DNAAF11: variants seen among roughly 807,000 people sequenced by gnomAD.
DNAAF11 encodes leucine rich repeat containing 6.
Under a neutral mutation model 60.8 loss-of-function variants are expected in DNAAF11, and 45 were observed. The ratio of observed to expected loss-of-function variants is 0.74; its 90% CI spans 0.58 to 0.95. DNAAF11 has a LOEUF of 0.95. DNAAF11 is among the 40% of genes least tolerant of loss of function. DNAAF11 has a pLI of 0.00. For missense variants in DNAAF11, 546 were observed against 546.2 expected (o/e 1.00, Z 0.00); for synonymous variants, 191 against 183.5 (o/e 1.04, Z -0.33).
At chr8:132,681,200 G>C in the DNAAF11 span, among the ~76,000 whole-genome samples, 1 of 151,004 alleles carries the variant, frequency 6.6e-6, no homozygotes, top group African/African-American at 2.4e-5. Flanking sequence ...AGTAGATATG[G>C]GGTTTCTCCA....
the DNAAF11 span, chr8:132,687,689 G>A: frequency 2.2e-6 from 1 of 456,216 alleles, no homozygotes; most frequent in South Asian, 1.5e-5. Flanking sequence ...AAGTTTAAGG[G>A]ATAAGTGACT....
chr8:132,573,546 G>A (rs1454568191), intron 11 of DNAAF11, among the ~76,000 whole-genome samples: 1 of 152,102 alleles, frequency 6.6e-6, no homozygotes, highest in Non-Finnish European at 1.5e-5. Flanking sequence ...TGGCTGTATT[G>A]AATAAATATT....
Position 132,632,824 on chromosome 8 carries a change from T to C in DNAAF11, c.569A>G (p.Lys190Arg), listed in dbSNP as rs1267593611. ...RAKLKEEAQR[K>R]HQEEDKNEDK... ...TTCATTTTTATCCTCTTCTTGGTGT[T>C]TCCTCTGAGCCTCTTCCTTGAGTTT... Residue 190 changes from lysine (K) to arginine (R), a missense_variant, in exon 5 of 12, where the codon AAA becomes AGA. Coordinates refer to ENST00000620350, the MANE Select transcript of DNAAF11 (RefSeq NM_012472.6). 30 of 1,614,038 alleles carry C rather than the reference T, an allele frequency of 1.9e-5. No individual in the cohort carries two copies. Among genetic ancestry groups the C allele is most frequent in the Non-Finnish European group, 2.5e-5 (30 of 1,179,926 alleles).
At chr8:132,643,428 A>C in intron 3 of DNAAF11, 1 of 335,566 alleles carries the variant, frequency 3.0e-6, no homozygotes, top group Non-Finnish European at 5.9e-6. Context: ...GGAAGAAGGC[A>C]GGAGGAGGCA....
chr8:132,580,563 A>G (rs1322600304), intron 11 of DNAAF11, among the ~76,000 whole-genome samples: 1 of 152,224 alleles, frequency 6.6e-6, no homozygotes, highest in Non-Finnish European at 1.5e-5. Context: ...TACCACAATG[A>G]AAAAGTAAAT....
intron 3 of DNAAF11, among the ~76,000 whole-genome samples, chr8:132,647,920 T>C (rs1366413172): frequency 1.3e-5 from 2 of 152,202 alleles, no homozygotes; most frequent in African/African-American, 4.8e-5. Flanking sequence ...AGCCGAATTC[T>C]ATCAGAGGTA....
At position 132,585,479 on chromosome 8, in the gene DNAAF11, G is replaced by C. The variant is rs4496949; in HGVS notation, c.1141-1700C>G. On this transcript the variant is annotated intron_variant, in intron 10 of 11. Coordinates refer to ENST00000620350, the MANE Select transcript of DNAAF11 (RefSeq NM_012472.6). The stretch of plus-strand genomic sequence containing the variant: ...CAATATAAGCTTTGAACACTAGACT[G>C]GGGGAAAATAATACCCTTAATGTCA... 2.6e-4 allele frequency among the ~76,000 whole-genome samples: 40 copies of C among 152,194 alleles called. No homozygotes were observed. In the East Asian group the frequency reaches 4.4e-3, roughly 17 times the overall value.
chr8:132,679,582 T>C (rs1825835676), upstream of DNAAF11, among the ~76,000 whole-genome samples: 1 of 152,166 alleles, frequency 6.6e-6, no homozygotes, highest in South Asian at 2.1e-4. Context: ...GGTGGAGCAG[T>C]GTTTGGCTCT....
At chr8:132,579,453 C>G (rs1049535266) in intron 11 of DNAAF11, among the ~76,000 whole-genome samples, 2 of 152,098 alleles carry the variant, frequency 1.3e-5, no homozygotes, top group Non-Finnish European at 2.9e-5. Context: ...GGAAGCAGCC[C>G]ATCCTAGATT....
chr8:132,654,489 A>G (rs1304398807), intron 3 of DNAAF11, among the ~76,000 whole-genome samples: 1 of 152,078 alleles, frequency 6.6e-6, no homozygotes, highest in African/African-American at 2.4e-5. Context: ...CCAAATGTAC[A>G]TGGAACAGCC....
chr8:132,654,490 T>C (rs1434593797), intron 3 of DNAAF11, among the ~76,000 whole-genome samples: 1 of 151,936 alleles, frequency 6.6e-6, no homozygotes, highest in Non-Finnish European at 1.5e-5. Context: ...CAAATGTACA[T>C]GGAACAGCCT....
chr8:132,679,673 CA>C (rs1191356528), upstream of DNAAF11, among the ~76,000 whole-genome samples: 2 of 152,092 alleles, frequency 1.3e-5, no homozygotes, highest in African/African-American at 4.8e-5. Flanking sequence ...GTAATTAAAC[CA>C]GGGGGTGGGT....
intron 2 of DNAAF11, among the ~76,000 whole-genome samples, chr8:132,660,958 C>G (rs1376211603): frequency 1.3e-5 from 2 of 152,180 alleles, no homozygotes; most frequent in Non-Finnish European, 2.9e-5. Context: ...TTGACCTGAT[C>G]CCTGCATTTA....
At chr8:132,688,290 G>C in the DNAAF11 span, among the ~76,000 whole-genome samples, 1 of 152,142 alleles carries the variant, frequency 6.6e-6, no homozygotes, top group Non-Finnish European at 1.5e-5. Context: ...CTGGTTCCCT[G>C]TGGGGAATAT....
chr8:132,675,345 G>A (rs1344810934), intron 1 of DNAAF11, 139 bp downstream of exon 1: 1 of 865,378 alleles, frequency 1.2e-6, no homozygotes, highest in Non-Finnish European at 1.8e-6. Flanking sequence ...GCGGTGCGGA[G>A]GGCCGGGTGG....
rs114931997 is a variant in DNAAF11, at chr8:132,664,004, T to A, written c.11-2377A>T. 2.7e-3 allele frequency among the ~76,000 whole-genome samples: 407 copies of A among 152,286 alleles called. 1 individual carries two copies. Among genetic ancestry groups the A allele is most frequent in the African/African-American group, 9.7e-3 (402 of 41,554 alleles). On this transcript the variant is annotated intron_variant, in intron 1 of 11. Transcript: ENST00000620350. ...GGGCCAGAGGGCAAGATTTCCCCAA[T>A]CCACCATGCTCTGTCATAGAACTCC...
chr8:132,642,493 G>A (rs1028287456), intron 3 of DNAAF11, among the ~76,000 whole-genome samples: 1 of 152,226 alleles, frequency 6.6e-6, no homozygotes, highest in African/African-American at 2.4e-5. Context: ...GGGCTGCCTA[G>A]ATGTCTGAAA....
intron 1 of DNAAF11, 56 bp downstream of exon 1, chr8:132,675,428 C>T (rs1489545524): frequency 4.3e-5 from 66 of 1,539,110 alleles, no homozygotes; most frequent in Non-Finnish European, 5.6e-5. Flanking sequence ...CCCACGAGAC[C>T]CGGGACTACT....
intron 1 of DNAAF11, among the ~76,000 whole-genome samples, chr8:132,666,092 A>C (rs905674340): frequency 3.9e-5 from 6 of 152,230 alleles, no homozygotes; most frequent in Non-Finnish European, 8.8e-5. Flanking sequence ...TGAGGACTCC[A>C]AAATGGGCGA....
Sources: gnomAD v4.1 joint callset for allele counts (sites outside exome capture counted in the v4.1 genomes callset) on GRCh38, gnomAD v4.1.1 for gene constraint, MANE v1.5 for transcripts, NCBI Gene and HGNC (gene_info 2026-07-23, HGNC 2026-07-21) for gene names.